ADCY8: variants seen among roughly 807,000 people sequenced by gnomAD.
The protein encoded by ADCY8 is adenylate cyclase type 8.
In ADCY8, 51 loss-of-function variants were observed where a neutral mutation model predicts 119.7. The ratio of observed to expected loss-of-function variants is 0.43; its 90% CI spans 0.34 to 0.54. The LOEUF is 0.54. Among genes scored for constraint, ADCY8 ranks in the 20% least tolerant of loss-of-function variants. The probability of loss-of-function intolerance (pLI) is 0.03; values close to 1 mark genes in which losing one functional copy is unlikely to be tolerated. For synonymous variants in ADCY8, 665 were observed against 651.0 expected, an observed-to-expected ratio of 1.02 and a Z score of -0.33; for missense variants, 1,383 against 1,598.8, an observed-to-expected ratio of 0.87 and a Z score of 2.30.
chr8:130,980,097 T>G (rs1822194201), intron 2 of ADCY8, among the ~76,000 whole-genome samples: 1 of 152,192 alleles, frequency 6.6e-6, no homozygotes, highest in South Asian at 2.1e-4. Flanking sequence ...CCAGCAGTCC[T>G]TGCAGATGCC....
intron 7 of ADCY8, among the ~76,000 whole-genome samples, chr8:130,899,760 A>C (rs1363365547): frequency 2.6e-5 from 4 of 152,370 alleles, no homozygotes; most frequent in East Asian, 1.9e-4. Context: ...TACTCAGAGC[A>C]TGCAGCAGAA....
At chr8:130,808,907 A>C (rs1313730899) in intron 14 of ADCY8, among the ~76,000 whole-genome samples, 1 of 151,950 alleles carries the variant, frequency 6.6e-6, no homozygotes, top group Admixed American at 6.5e-5. Context: ...CTCCTCATAA[A>C]GCCATGATGA....
intron 2 of ADCY8, among the ~76,000 whole-genome samples, chr8:130,974,804 T>C (rs1586621526): frequency 6.6e-6 from 1 of 152,174 alleles, no homozygotes; most frequent in East Asian, 1.9e-4. Flanking sequence ...AAGGAGAGCA[T>C]TCTTAGCTAC....
At chr8:130,909,620 C>T (rs1329033137) in intron 6 of ADCY8, 88 bp downstream of exon 6, 22 of 1,496,368 alleles carry the variant, frequency 1.5e-5, no homozygotes, top group Non-Finnish European at 1.9e-5. Context: ...CTAGATCTAA[C>T]CCTGAATTTC....
intron 12 of ADCY8, among the ~76,000 whole-genome samples, chr8:130,824,160 T>C (rs1176094599): frequency 6.6e-6 from 1 of 152,212 alleles, no homozygotes; most frequent in Non-Finnish European, 1.5e-5. Context: ...CCCGAATTTT[T>C]AGTTTATTAT....
At chr8:130,920,135 T>A (rs1258286383) in intron 5 of ADCY8, among the ~76,000 whole-genome samples, 1 of 99,724 alleles carries the variant, frequency 1.0e-5, no homozygotes, top group Non-Finnish European at 1.9e-5. Context: ...AGAACGAGAC[T>A]CCGTTTCTTA....
chr8:130,884,504 C>T (rs1224392337), intron 8 of ADCY8, 60 bp downstream of exon 8: 8 of 1,569,204 alleles, frequency 5.1e-6, no homozygotes, highest in Non-Finnish European at 7.0e-6. Flanking sequence ...TCTCTCTAGT[C>T]CCATGAACAT....
At chr8:131,023,973 C>A (rs528264129) in intron 1 of ADCY8, among the ~76,000 whole-genome samples, 2 of 152,224 alleles carry the variant, frequency 1.3e-5, no homozygotes, top group Non-Finnish European at 2.9e-5. Context: ...AACATGGCTT[C>A]TCTTCCTTAT....
chr8:130,938,775 A>C (rs1477196673), intron 4 of ADCY8, among the ~76,000 whole-genome samples: 2 of 152,162 alleles, frequency 1.3e-5, no homozygotes, highest in African/African-American at 4.8e-5. Context: ...AACCTTCCCA[A>C]ATGGGCCCAG....
intron 1 of ADCY8, among the ~76,000 whole-genome samples, chr8:131,001,737 A>G (rs1456263410): frequency 6.6e-6 from 1 of 151,878 alleles, no homozygotes; most frequent in Non-Finnish European, 1.5e-5. Context: ...AGTCTAGTTT[A>G]TGGTGTAATT....
chr8:130,895,919 A>G (rs965650526), intron 7 of ADCY8, among the ~76,000 whole-genome samples: 3 of 152,126 alleles, frequency 2.0e-5, no homozygotes, highest in Non-Finnish European at 4.4e-5. Flanking sequence ...AAAGATCAAG[A>G]TTCAATATTT....
At chr8:130,888,219 A>G (rs1167075423) in intron 7 of ADCY8, among the ~76,000 whole-genome samples, 1 of 151,396 alleles carries the variant, frequency 6.6e-6, no homozygotes, top group Non-Finnish European at 1.5e-5. Flanking sequence ...ATATATATAT[A>G]ATAGAATACA....
At chr8:130,794,098 G>A (rs1236937006) in intron 15 of ADCY8, among the ~76,000 whole-genome samples, 1 of 152,116 alleles carries the variant, frequency 6.6e-6, no homozygotes, top group Non-Finnish European at 1.5e-5. Flanking sequence ...ATGCTGCCAC[G>A]GTCAGCCAGC....
intron 2 of ADCY8, among the ~76,000 whole-genome samples, chr8:130,971,542 A>AATG (rs1174228624): frequency 1.3e-5 from 2 of 152,174 alleles, no homozygotes; most frequent in African/African-American, 2.4e-5. Context: ...AAACTCTCAA[A>AATG]ATGATGCAAT....
chr8:130,957,614 G>A (rs1385959793), intron 2 of ADCY8, among the ~76,000 whole-genome samples: 2 of 152,162 alleles, frequency 1.3e-5, no homozygotes, highest in Non-Finnish European at 2.9e-5. Context: ...GGTCTTCATG[G>A]CAGCTCCTCC....
chr8:130,903,868 T>C lies in ADCY8; in HGVS notation c.1815A>G (p.Ser605=). The C allele has an allele frequency of 6.2e-7, 1 of 1,614,088 alleles. No homozygotes were observed. The highest frequency in any genetic ancestry group is 1.3e-5 in the African/African-American group (1 of 75,040). Residue 605 remains serine, a synonymous_variant, in exon 7 of 18, where the codon TCA becomes TCG. Transcript: ENST00000286355. Reference sequence around the variant, plus strand: ...TGTTTCTCCGGTCTGAGGAGCTCACTGACTCCTTGACGATATCTTCAGGCA... The same window carrying C: ...TGTTTCTCCGGTCTGAGGAGCTCACCGACTCCTTGACGATATCTTCAGGCA... ...LSLPEDIVKE[S]VSSSDRRNSG...
At chr8:130,985,596 A>G (rs762767769) in intron 2 of ADCY8, among the ~76,000 whole-genome samples, 70 of 152,190 alleles carry the variant, frequency 4.6e-4, no homozygotes, top group Non-Finnish European at 1.0e-4. Flanking sequence ...GAAAGAATAA[A>G]GATTCCAAGG....
intron 1 of ADCY8, among the ~76,000 whole-genome samples, chr8:130,992,416 T>TGCCTGGC (rs762268345): frequency 0.49 from 62,387 of 127,522 alleles, 17,877 homozygotes; most frequent in East Asian, 0.84. Flanking sequence ...TATATATATA[T>TGCCTGGC]ATATATATAT....
intron 1 of ADCY8, among the ~76,000 whole-genome samples, chr8:131,000,924 A>G (rs1822925679): frequency 6.6e-6 from 1 of 152,078 alleles, no homozygotes; most frequent in Non-Finnish European, 1.5e-5. Context: ...GCTCTAGGAA[A>G]TAAAAGAGCC....
Sources: allele counts gnomAD v4.1 joint callset (sites outside exome capture counted in the v4.1 genomes callset), GRCh38; gene constraint gnomAD v4.1.1; transcripts MANE v1.5; gene names NCBI Gene and HGNC (gene_info 2026-07-23, HGNC 2026-07-21).